Variants in RIPOR3 observed in about 807,000 individuals in gnomAD.
RIPOR3 encodes family with sequence similarity 65 member C.
A neutral mutation model predicts 114.3 loss-of-function variants in RIPOR3; 95 were observed. That is an observed-to-expected ratio of 0.83 (90% CI 0.70 to 0.99). The LOEUF is 0.99. RIPOR3 is among the 50% of genes least tolerant of loss of function. The pLI is 0.00. For missense variants in RIPOR3, 1,252 were observed against 1,266.9 expected (o/e 0.99, Z 0.18); for synonymous variants, 575 against 543.8 (o/e 1.06, Z -0.80).
At chr20:50,660,139 G>A (rs2085947187) in intron 1 of RIPOR3, 1 of 152,214 alleles carries the variant, frequency 6.6e-6, no homozygotes, top group South Asian at 2.1e-4. Context: ...AGAAAGAGGA[G>A]CAGGTGCTGT....
intron 1 of RIPOR3, among the ~76,000 whole-genome samples, chr20:50,644,950 C>T (rs1004515305): frequency 1.3e-5 from 2 of 151,778 alleles, no homozygotes; most frequent in Non-Finnish European, 2.9e-5. Flanking sequence ...AGCAGTTCCC[C>T]GGCCTCAGCC....
chr20:50,656,416 T>G (rs1387741314), intron 1 of RIPOR3, among the ~76,000 whole-genome samples: 1 of 152,182 alleles, frequency 6.6e-6, no homozygotes, highest in Non-Finnish European at 1.5e-5. Flanking sequence ...TATATAGAGC[T>G]TAGTGAAGGT....
intron 2 of RIPOR3, among the ~76,000 whole-genome samples, chr20:50,627,820 C>G (rs1317760935): frequency 6.6e-6 from 1 of 152,218 alleles, no homozygotes; most frequent in African/African-American, 2.4e-5. Context: ...TAGAGCACAA[C>G]AGCAGAGCGT....
rs936890795 is a variant in RIPOR3 at position 50,594,114 on chromosome 20, C to CA, written c.2212+438dup. Among the ~76,000 whole-genome samples, 30 of 151,888 alleles carry CA rather than the reference C, an allele frequency of 2.0e-4. No homozygotes were observed. The South Asian group carries it at 6.0e-3, about 31-fold the overall frequency. ...CGAAACCCCGTCTCTACTAAAAATA[C>CA]AAAAAAAGAAAATTAGCCAAGCGTG... is the stretch of plus-strand genomic sequence containing the variant. On this transcript the variant is annotated intron_variant, in intron 17 of 21. Transcript: ENST00000327979.
chr20:50,673,586 C>T (rs2086593634), intron 1 of RIPOR3, among the ~76,000 whole-genome samples: 1 of 152,202 alleles, frequency 6.6e-6, no homozygotes, highest in East Asian at 1.9e-4. Flanking sequence ...CAGCTCATGG[C>T]TGTCAGAGGC....
At chr20:50,665,073 G>A (rs556769119) in intron 1 of RIPOR3, among the ~76,000 whole-genome samples, 5 of 152,164 alleles carry the variant, frequency 3.3e-5, no homozygotes, top group African/African-American at 1.2e-4. Flanking sequence ...CTGCATTCCA[G>A]CCTGGGTGAC....
chr20:50,644,688 T>TG (rs1324614056), intron 1 of RIPOR3, among the ~76,000 whole-genome samples: 2 of 142,326 alleles, frequency 1.4e-5, no homozygotes, highest in East Asian at 4.0e-4. Context: ...TTTTTTTTTT[T>TG]TTTTTTTTTT....
chr20:50,602,632 G>T lies in RIPOR3; in HGVS notation c.1099C>A (p.Gln367Lys), dbSNP rs138716170. The change falls in exon 13 of 22, where the codon CAG becomes AAG. Residue 367 changes from glutamine to lysine, a missense_variant. Transcript: ENST00000327979. The surrounding 1 kb of genome is among the most constrained non-coding windows in gnomAD (Gnocchi z 4.3). The part of the protein sequence containing the change: ...RERYYLSVLQ[Q>K]PTQQALLLGG... ...AGCAGCAAGGCCTGCTGTGTTGGCTGCTGTAGGACAGACTGGAGAGGGGAC... is the reference window on the plus strand; with the variant it reads ...AGCAGCAAGGCCTGCTGTGTTGGCTTCTGTAGGACAGACTGGAGAGGGGAC... The T allele has an allele frequency of 1.7e-5, 25 of 1,492,802 alleles. No homozygotes were observed. In the African/African-American group the frequency reaches 3.4e-4, roughly 20 times the overall value. The allele number at this position is 1,492,802 out of a possible 1,614,324, so 92.5% of individuals were successfully genotyped here. A position where few individuals can be genotyped will look rare whatever the true frequency, so the allele number is the denominator to read the frequency against.
intron 3 of RIPOR3, among the ~76,000 whole-genome samples, chr20:50,618,908 C>G (rs1168684192): frequency 6.6e-6 from 1 of 152,144 alleles, no homozygotes; most frequent in African/African-American, 2.4e-5. Flanking sequence ...AACCCAGTCT[C>G]TACTAAAAAT....
At chr20:50,688,822 G>T (rs1389890631) in intron 1 of RIPOR3, among the ~76,000 whole-genome samples, 1 of 152,148 alleles carries the variant, frequency 6.6e-6, no homozygotes, top group Non-Finnish European at 1.5e-5. Flanking sequence ...TAAAACTAGA[G>T]ACTGGTTCAC....
intron 2 of RIPOR3, among the ~76,000 whole-genome samples, chr20:50,624,253 A>G (rs1185747546): frequency 6.6e-6 from 1 of 152,150 alleles, no homozygotes; most frequent in Non-Finnish European, 1.5e-5. Context: ...GCCCTCCGCA[A>G]GTTTGCCATC....
intron 1 of RIPOR3, among the ~76,000 whole-genome samples, chr20:50,675,871 G>A (rs1300874422): frequency 2.6e-5 from 4 of 152,170 alleles, no homozygotes; most frequent in African/African-American, 7.2e-5. Flanking sequence ...CAAGTCGAAC[G>A]GCAGACGGGG....
intron 1 of RIPOR3, among the ~76,000 whole-genome samples, chr20:50,683,973 C>T (rs1016869031): frequency 6.6e-6 from 1 of 151,638 alleles, no homozygotes; most frequent in South Asian, 2.1e-4. Context: ...CCCAGCTACT[C>T]GGGAGGCTGA....
chr20:50,635,743 C>T (rs1277487358), intron 1 of RIPOR3, among the ~76,000 whole-genome samples: 2 of 152,146 alleles, frequency 1.3e-5, no homozygotes, highest in African/African-American at 4.8e-5. Context: ...ATGAGTCCTC[C>T]GAGGTCACAC....
chr20:50,636,659 C>A, intron 1 of RIPOR3: 1 of 985,566 alleles, frequency 1.0e-6, no homozygotes, highest in South Asian at 4.7e-5. Flanking sequence ...AGAACTGATG[C>A]CGTTCAGACC....
chr20:50,600,931 G>C (rs73272551), intron 13 of RIPOR3, among the ~76,000 whole-genome samples: 4,018 of 152,280 alleles, frequency 0.026, 176 homozygotes, highest in African/African-American at 0.09. Context: ...ATGTTGATTT[G>C]TCCTGTTGGA....
chr20:50,638,213 T>A (rs1377841164), intron 1 of RIPOR3, among the ~76,000 whole-genome samples: 1 of 152,110 alleles, frequency 6.6e-6, no homozygotes, highest in Non-Finnish European at 1.5e-5. Context: ...AGACACACAA[T>A]GAGTGCCCTG....
chr20:50,589,056 TG>T (rs1418057574), intron 20 of RIPOR3, among the ~76,000 whole-genome samples: 48 of 124,088 alleles, frequency 3.9e-4, no homozygotes, highest in African/African-American at 1.5e-3. Flanking sequence ...CACTCCAGCC[TG>T]GGTGACAGAA....
chr20:50,588,768 A>G (rs867824683), intron 20 of RIPOR3, among the ~76,000 whole-genome samples: 3 of 149,244 alleles, frequency 2.0e-5, no homozygotes, highest in African/African-American at 4.9e-5. Flanking sequence ...AAAAAAAAAA[A>G]GAAAAAAAAC....
Sources: gnomAD v4.1 joint callset for allele counts (sites outside exome capture counted in the v4.1 genomes callset) on GRCh38, gnomAD v4.1.1 for gene constraint, Gnocchi (gnomAD v3.1) non-coding constraint, MANE v1.5 for transcripts, NCBI Gene and HGNC (gene_info 2026-07-23, HGNC 2026-07-21) for gene names.